Variants in MAGI2 observed in about 807,000 individuals in gnomAD.
MAGI2 encodes membrane-associated guanylate kinase, WW and PDZ domain-containing protein 2.
Under a neutral mutation model 133.3 loss-of-function variants are expected in MAGI2, and 35 were observed. The ratio of observed to expected loss-of-function variants is 0.26; its 90% confidence interval spans 0.20 to 0.35. MAGI2 has a LOEUF of 0.35. Ranked by LOEUF, MAGI2 falls within the 10% of genes least tolerant of loss-of-function variation. The pLI is 1.00. For synonymous variants in MAGI2, 729 were observed against 710.6 expected (o/e 1.03, Z -0.41); for missense variants, 1,636 against 1,863.4 (o/e 0.88, Z 2.25).
In MAGI2 at chr7:78,229,309, T is replaced by C. The variant is rs542905421; in HGVS notation, c.2047+26634A>G. Among the ~76,000 whole-genome samples, 6 of 152,298 alleles carry C rather than the reference T, an allele frequency of 3.9e-5. No individual in the cohort carries two copies. The East Asian group carries it at 9.7e-4, about 25-fold the overall frequency. On this transcript the variant is annotated intron_variant, in intron 10 of 21. Coordinates refer to ENST00000354212, the MANE Select transcript of MAGI2 (RefSeq NM_012301.4). ...ATAGCTCCATTAGAGGTAAGGAAACTGAAGTTTGGAGATCCTAAGATACAT... is the reference window on the plus strand; with the variant it reads ...ATAGCTCCATTAGAGGTAAGGAAACCGAAGTTTGGAGATCCTAAGATACAT...
chr7:78,466,460 G>T (rs1288443750), intron 6 of MAGI2, among the ~76,000 whole-genome samples: 3 of 152,172 alleles, frequency 2.0e-5, no homozygotes, highest in African/African-American at 7.2e-5. Context: ...TGTTTGTGAG[G>T]ATTTATGTGT....
intron 1 of MAGI2, among the ~76,000 whole-genome samples, chr7:79,305,109 A>T (rs1381632851): frequency 1.3e-5 from 2 of 152,222 alleles, no homozygotes; most frequent in Admixed American, 1.3e-4. Context: ...AATGATAGAG[A>T]CAACATTATC....
chr7:78,220,447 C>G (rs564614155), intron 10 of MAGI2, among the ~76,000 whole-genome samples: 66 of 152,290 alleles, frequency 4.3e-4, no homozygotes, highest in Non-Finnish European at 7.9e-4. Context: ...TTCTTGAGGG[C>G]AGGGGCAACA....
intron 3 of MAGI2, among the ~76,000 whole-genome samples, chr7:78,593,461 C>T (rs1295465808): frequency 2.6e-5 from 4 of 152,160 alleles, no homozygotes; most frequent in Non-Finnish European, 4.4e-5. Flanking sequence ...GCATTTGTGA[C>T]ACATGGGTCT....
At chr7:78,169,639 C>T (rs1584246435) in intron 14 of MAGI2, among the ~76,000 whole-genome samples, 1 of 152,228 alleles carries the variant, frequency 6.6e-6, no homozygotes, top group Non-Finnish European at 1.5e-5. Flanking sequence ...AAATTTCCCA[C>T]ACTACTTCTG....
intron 6 of MAGI2, among the ~76,000 whole-genome samples, chr7:78,395,532 G>A (rs2151325911): frequency 6.6e-6 from 1 of 152,282 alleles, no homozygotes; most frequent in South Asian, 2.1e-4. Flanking sequence ...GGGGTAGTCT[G>A]CATTTTATGC....
chr7:78,301,818 T>A (rs1049858354), intron 9 of MAGI2, among the ~76,000 whole-genome samples: 3 of 152,190 alleles, frequency 2.0e-5, no homozygotes, highest in African/African-American at 7.2e-5. Flanking sequence ...GATCAGGGGT[T>A]CCAGAGCCAG....
chr7:78,527,006 CAAAAAAAAAAAAA>C (rs55707442), intron 3 of MAGI2, among the ~76,000 whole-genome samples: 82 of 45,434 alleles, frequency 1.8e-3, no homozygotes, highest in African/African-American at 5.1e-3. Flanking sequence ...GACTCCATCT[CAAAAAAAAAAAAA>C]AAAAAAAAAA....
intron 1 of MAGI2, among the ~76,000 whole-genome samples, chr7:79,062,393 T>C (rs933584176): frequency 6.6e-6 from 1 of 152,156 alleles, no homozygotes; most frequent in Non-Finnish European, 1.5e-5. Context: ...AGTGAAACTG[T>C]ATAGAGATGA....
rs1798022626 is a variant in MAGI2 at position 78,537,169 on chromosome 7, C to CCA, written c.539-15525_539-15524insTG. On this transcript the variant is annotated intron_variant, in intron 3 of 21. Coordinates refer to ENST00000354212, the MANE Select transcript of MAGI2 (RefSeq NM_012301.4). ...CTTTTTATGGCTGAATAGTATTCCA[C>CCA]TACACACACACACACACACACACAC... Among the ~76,000 whole-genome samples the CCA allele has an allele frequency of 1.1e-4, 10 of 93,672 alleles. No individual in the cohort carries two copies. In the South Asian group the frequency reaches 1.5e-3, roughly 14 times the overall value. 61.5% of individuals were successfully genotyped at this position (93,672 alleles called of 152,430 possible).
At chr7:78,406,383 A>G (rs1797376980) in intron 6 of MAGI2, among the ~76,000 whole-genome samples, 1 of 152,062 alleles carries the variant, frequency 6.6e-6, no homozygotes, top group East Asian at 1.9e-4. Flanking sequence ...TAAACTTTAA[A>G]CACTTATACA....
chr7:78,726,248 G>T (rs1820796473), intron 2 of MAGI2, among the ~76,000 whole-genome samples: 1 of 152,220 alleles, frequency 6.6e-6, no homozygotes, highest in East Asian at 1.9e-4. Context: ...TATGTTTTCT[G>T]TTGCCATTTA....
chr7:79,083,304 T>TG (rs1816212373), intron 1 of MAGI2, among the ~76,000 whole-genome samples: 1 of 4 alleles, frequency 0.25, no homozygotes, highest in East Asian at 0.5. Context: ...TATGATGTTA[T>TG]TTTTTTTTTT....
At chr7:78,769,147 G>C (rs1825323782) in intron 2 of MAGI2, among the ~76,000 whole-genome samples, 1 of 152,222 alleles carries the variant, frequency 6.6e-6, no homozygotes, top group Middle Eastern at 3.4e-3. Context: ...ATTCTAGCGC[G>C]GGGACACATC....
chr7:79,356,952 A>G (rs772652046), intron 1 of MAGI2, among the ~76,000 whole-genome samples: 28 of 152,318 alleles, frequency 1.8e-4, no homozygotes, highest in Admixed American at 7.2e-4. Context: ...GTCCTCTCAA[A>G]AGAAGAAAAG....
At chr7:78,321,060 A>G (rs531609409) in intron 9 of MAGI2, among the ~76,000 whole-genome samples, 1 of 152,298 alleles carries the variant, frequency 6.6e-6, no homozygotes, top group African/African-American at 2.4e-5. Context: ...TCCAACTTAC[A>G]AGGGATGTGA....
At chr7:78,877,110 CT>C (rs1345158035) in intron 2 of MAGI2, among the ~76,000 whole-genome samples, 1 of 152,086 alleles carries the variant, frequency 6.6e-6, no homozygotes, top group Non-Finnish European at 1.5e-5. Flanking sequence ...TTTATCAAAT[CT>C]TTGTTTAGGG....
chr7:78,631,110 G>A (rs1448123571), intron 2 of MAGI2, among the ~76,000 whole-genome samples: 2 of 152,172 alleles, frequency 1.3e-5, no homozygotes, highest in African/African-American at 2.4e-5. Context: ...GCCTGAAAAT[G>A]TCTTTATTAC....
chr7:79,057,821 G>A (rs531633358), intron 1 of MAGI2, among the ~76,000 whole-genome samples: 1 of 152,242 alleles, frequency 6.6e-6, no homozygotes, highest in South Asian at 2.1e-4. Flanking sequence ...CACTTCCATA[G>A]GGGTGGTTGG....
Sources: gnomAD v4.1 joint callset for allele counts (sites outside exome capture counted in the v4.1 genomes callset) on GRCh38, gnomAD v4.1.1 for gene constraint, MANE v1.5 for transcripts, NCBI Gene and HGNC (gene_info 2026-07-23, HGNC 2026-07-21) for gene names.